ANKRD29: variants seen among roughly 807,000 people sequenced by gnomAD.
ANKRD29 encodes ankyrin repeat domain-containing protein 29.
A neutral mutation model predicts 38.0 loss-of-function variants in ANKRD29; 32 were observed. The ratio of observed to expected loss-of-function variants is 0.84; its 90% CI spans 0.64 to 1.13. The LOEUF is 1.13. Among genes scored for constraint, ANKRD29 ranks in the 50% most tolerant of loss-of-function variants. ANKRD29 has a pLI of 0.00. For synonymous variants in ANKRD29, 135 were observed against 152.4 expected (o/e 0.89, Z 0.84); for missense variants, 357 against 377.9 (o/e 0.94, Z 0.46).
chr18:23,602,834 A>G (rs899952144), intron 9 of ANKRD29, among the ~76,000 whole-genome samples: 1 of 152,126 alleles, frequency 6.6e-6, no homozygotes, highest in African/African-American at 2.4e-5. Context: ...ATATTTATTA[A>G]TTCACTAAAA....
intron 4 of ANKRD29, among the ~76,000 whole-genome samples, chr18:23,636,084 G>A (rs1032625077): frequency 6.6e-6 from 1 of 152,176 alleles, no homozygotes; most frequent in Admixed American, 6.5e-5. Flanking sequence ...GCCTAATAAA[G>A]TAACAGAAAA....
chr18:23,623,074 T>A (rs1027189271), intron 6 of ANKRD29, among the ~76,000 whole-genome samples: 2 of 152,228 alleles, frequency 1.3e-5, no homozygotes, highest in African/African-American at 4.8e-5. Flanking sequence ...ACAAAGGTGG[T>A]GAGCATGAGC....
intron 5 of ANKRD29, 73 bp from the exon 6 acceptor site, chr18:23,630,024 G>A (rs11660305): frequency 0.62 from 820,587 of 1,316,514 alleles, 263,379 homozygotes; most frequent in Admixed American, 0.7. Flanking sequence ...TAGGGCGGGT[G>A]CAGTGGCTCA....
intron 6 of ANKRD29, chr18:23,619,917 A>T (rs1599084774): frequency 2.4e-6 from 1 of 412,654 alleles, no homozygotes; most frequent in South Asian, 3.5e-5. Flanking sequence ...TGGATCTTTT[A>T]CCAAAAAGGG....
At chr18:23,643,082 C>G (rs1009066443) in intron 3 of ANKRD29, among the ~76,000 whole-genome samples, 2 of 152,204 alleles carry the variant, frequency 1.3e-5, no homozygotes, top group Admixed American at 6.5e-5. Context: ...TCTCTTTTGA[C>G]TTCTATCCTG....
chr18:23,643,939 AGCT>A (rs1250905461), intron 3 of ANKRD29, among the ~76,000 whole-genome samples: 2 of 152,372 alleles, frequency 1.3e-5, no homozygotes, highest in Admixed American at 1.3e-4. Flanking sequence ...AGGCACTCTT[AGCT>A]TCCAAAACTG....
At chr18:23,635,470 A>G (rs546712260) in intron 4 of ANKRD29, among the ~76,000 whole-genome samples, 3 of 152,158 alleles carry the variant, frequency 2.0e-5, no homozygotes, top group African/African-American at 7.2e-5. Context: ...TAAAATCCTT[A>G]ATTGTTTTCC....
chr18:23,654,575 C>T (rs1049065497), intron 1 of ANKRD29, among the ~76,000 whole-genome samples: 10 of 140,822 alleles, frequency 7.1e-5, no homozygotes, highest in East Asian at 2.1e-4. Context: ...ACCAAGATGG[C>T]GCCACTGCAC....
At chr18:23,640,928 CT>C (rs2060065922) in intron 3 of ANKRD29, among the ~76,000 whole-genome samples, 1 of 152,162 alleles carries the variant, frequency 6.6e-6, no homozygotes, top group Non-Finnish European at 1.5e-5. Context: ...AGTGATCATG[CT>C]TAAAACTTGT....
At chr18:23,636,239 G>A (rs1476406425) in intron 4 of ANKRD29, among the ~76,000 whole-genome samples, 2 of 151,750 alleles carry the variant, frequency 1.3e-5, no homozygotes, top group African/African-American at 4.8e-5. Context: ...GGGCTCAAGC[G>A]ATCTTCCTGC....
intron 1 of ANKRD29, 28 bp downstream of exon 1, chr18:23,662,682 C>T (rs1310537249): frequency 1.4e-6 from 2 of 1,465,696 alleles, no homozygotes; most frequent in South Asian, 2.6e-5. Context: ...CCGGCCCCAG[C>T]CCTGACCCCG....
chr18:23,633,648 G>A (rs1413071695), intron 5 of ANKRD29, among the ~76,000 whole-genome samples: 1 of 152,066 alleles, frequency 6.6e-6, no homozygotes, highest in East Asian at 1.9e-4. Flanking sequence ...TCAGCTCACC[G>A]CAACCTTCAC....
At chr18:23,626,768 G>A (rs901656621) in intron 6 of ANKRD29, among the ~76,000 whole-genome samples, 15 of 152,210 alleles carry the variant, frequency 9.9e-5, no homozygotes, top group Non-Finnish European at 2.2e-4. Context: ...CTACCGTTCA[G>A]ATTCCCTGAA....
At chr18:23,608,646 C>T (rs2059601712) in intron 9 of ANKRD29, among the ~76,000 whole-genome samples, 1 of 152,202 alleles carries the variant, frequency 6.6e-6, no homozygotes, top group South Asian at 2.1e-4. Flanking sequence ...CTAACCAACT[C>T]CATCTTGCTT....
intron 1 of ANKRD29, among the ~76,000 whole-genome samples, chr18:23,659,411 C>T (rs1482064870): frequency 1.3e-5 from 2 of 152,170 alleles, no homozygotes; most frequent in African/African-American, 4.8e-5. Context: ...TGGGTATATT[C>T]CTAGTAGTGA....
chr18:23,636,839 G>A (rs1470897398), intron 4 of ANKRD29, among the ~76,000 whole-genome samples: 1 of 152,204 alleles, frequency 6.6e-6, no homozygotes, highest in Non-Finnish European at 1.5e-5. Context: ...CTCCCAAAGT[G>A]CTAGGTGTGG....
At chr18:23,606,883 G>A (rs2059581362) in intron 9 of ANKRD29, among the ~76,000 whole-genome samples, 1 of 152,176 alleles carries the variant, frequency 6.6e-6, no homozygotes, top group South Asian at 2.1e-4. Context: ...GGATGTTCTG[G>A]GAATTTCAGG....
intron 1 of ANKRD29, among the ~76,000 whole-genome samples, chr18:23,651,364 T>C (rs1301131077): frequency 6.6e-6 from 1 of 152,250 alleles, no homozygotes; most frequent in East Asian, 1.9e-4. Flanking sequence ...TTCACACCAG[T>C]GTTGCAGCTT....
At position 23,601,222 on chromosome 18, in the gene ANKRD29, T is replaced by C; in HGVS notation, c.*4A>G. 6.2e-7 allele frequency: 1 copy of C among 1,613,152 alleles called. No homozygotes were observed. The highest frequency in any genetic ancestry group is 8.5e-7 in the Non-Finnish European group (1 of 1,179,164). ...TCTATCTTTCTGTCAAATATGGAGC[T>C]AAGTTAGCTCTTTCTGGGACCTTCT... On this transcript the variant is annotated 3_prime_UTR_variant, in exon 10 of 10. Transcript: ENST00000592179.
Sources: allele counts gnomAD v4.1 joint callset (sites outside exome capture counted in the v4.1 genomes callset), GRCh38; gene constraint gnomAD v4.1.1; transcripts MANE v1.5; gene names NCBI Gene and HGNC (gene_info 2026-07-23, HGNC 2026-07-21).